PTPRG: variants seen among roughly 807,000 people sequenced by gnomAD.
PTPRG encodes protein tyrosine phosphatase receptor type G.
In PTPRG, 102 loss-of-function variants were observed where a neutral mutation model predicts 165.3. The ratio of observed to expected loss-of-function variants is 0.62; its 90% CI spans 0.53 to 0.73. The LOEUF (loss-of-function observed/expected upper bound fraction) is 0.73. PTPRG is among the 30% of genes least tolerant of loss of function. PTPRG has a pLI of 0.00. For missense variants in PTPRG, 1,866 were observed against 1,861.4 expected (o/e 1.00, Z -0.05); for synonymous variants, 675 against 669.5 (o/e 1.01, Z -0.13).
At chr3:62,290,980 G>T (rs375923076) in intron 28 of PTPRG, among the ~76,000 whole-genome samples, 1 of 151,872 alleles carries the variant, frequency 6.6e-6, no homozygotes, top group Non-Finnish European at 1.5e-5. Flanking sequence ...AAACAGATCG[G>T]GGGGCAAAAA....
chr3:62,081,672 T>C (rs916870149), intron 5 of PTPRG, among the ~76,000 whole-genome samples: 1 of 152,208 alleles, frequency 6.6e-6, no homozygotes, highest in South Asian at 2.1e-4. Flanking sequence ...AGCACACACG[T>C]GCTTATATGC....
chr3:62,088,689 G>GAAGGA (rs1233229112), intron 5 of PTPRG, among the ~76,000 whole-genome samples: 2 of 152,356 alleles, frequency 1.3e-5, no homozygotes, highest in African/African-American at 4.8e-5. Flanking sequence ...AAGAAGGTAA[G>GAAGGA]AGCATGTACA....
intron 2 of PTPRG, among the ~76,000 whole-genome samples, chr3:61,808,532 A>G (rs1004843075): frequency 6.6e-6 from 1 of 152,180 alleles, no homozygotes; most frequent in African/African-American, 2.4e-5. Context: ...GCAGGAATCA[A>G]TTTCTTTGAA....
intron 1 of PTPRG, chr3:61,743,135 G>T: frequency 8.4e-7 from 1 of 1,185,354 alleles, no homozygotes. Flanking sequence ...AACCGGAAAA[G>T]AGCGGGTCTG....
chr3:61,694,022 AAAAAG>A (rs1559560194), intron 1 of PTPRG, among the ~76,000 whole-genome samples: 1 of 140,790 alleles, frequency 7.1e-6, no homozygotes, highest in African/African-American at 3.0e-5. Context: ...AAAAAAAAAA[AAAAAG>A]AGAGAGAGAG....
At chr3:62,080,405 G>T (rs553631320) in intron 5 of PTPRG, among the ~76,000 whole-genome samples, 1 of 152,100 alleles carries the variant, frequency 6.6e-6, no homozygotes, top group East Asian at 1.9e-4. Context: ...TGATTGGTTT[G>T]TGTTTGGTAG....
chr3:62,044,374 A>G (rs928439132), intron 4 of PTPRG, among the ~76,000 whole-genome samples: 4 of 152,200 alleles, frequency 2.6e-5, no homozygotes, highest in African/African-American at 9.6e-5. Flanking sequence ...CCCCGTCTCT[A>G]CTAAAAATAC....
At chr3:61,621,051 A>ATATATATATATATATATATATGTGTGTG in intron 1 of PTPRG, among the ~76,000 whole-genome samples, 54 of 117,946 alleles carry the variant, frequency 4.6e-4, no homozygotes, top group African/African-American at 1.4e-3. Context: ...ATATATATAT[A>ATATATATATATATATATATATGTGTGTG]TGTGTGTGTG....
intron 8 of PTPRG, among the ~76,000 whole-genome samples, chr3:62,171,323 G>T (rs778272955): frequency 2.2e-4 from 33 of 152,168 alleles, no homozygotes; most frequent in Admixed American, 3.9e-4. Flanking sequence ...TTTGGTTAGA[G>T]ACTGCCAAAT....
At chr3:61,976,931 C>T (rs2040522039) in intron 2 of PTPRG, among the ~76,000 whole-genome samples, 1 of 152,000 alleles carries the variant, frequency 6.6e-6, no homozygotes, top group Non-Finnish European at 1.5e-5. Context: ...ATGCCTTGGC[C>T]TCCCAAAGTG....
At chr3:62,043,037 T>A (rs1397726838) in intron 4 of PTPRG, among the ~76,000 whole-genome samples, 2 of 152,118 alleles carry the variant, frequency 1.3e-5, no homozygotes, top group African/African-American at 4.8e-5. Flanking sequence ...CAATTTTTTT[T>A]ATTAAGTGAC....
At chr3:61,644,839 C>T (rs1229689317) in intron 1 of PTPRG, among the ~76,000 whole-genome samples, 1 of 152,166 alleles carries the variant, frequency 6.6e-6, no homozygotes, top group Non-Finnish European at 1.5e-5. Context: ...AACTTTGTGC[C>T]TCCTATTTGG....
At chr3:62,209,735 T>A (rs1469692630) in intron 12 of PTPRG, among the ~76,000 whole-genome samples, 6 of 152,186 alleles carry the variant, frequency 3.9e-5, no homozygotes, top group Non-Finnish European at 8.8e-5. Flanking sequence ...CCAGTATGGT[T>A]TAGTTTCTTC....
chr3:61,931,055 C>T (rs1431803577), intron 2 of PTPRG, among the ~76,000 whole-genome samples: 1 of 152,156 alleles, frequency 6.6e-6, no homozygotes, highest in East Asian at 1.9e-4. Flanking sequence ...AGTGCAGCGC[C>T]TAATTCATTG....
At chr3:61,869,785 G>A (rs767808123) in intron 2 of PTPRG, among the ~76,000 whole-genome samples, 11 of 145,148 alleles carry the variant, frequency 7.6e-5, no homozygotes, top group Non-Finnish European at 1.7e-4. Context: ...TTGTTTTGCA[G>A]AGATGAGGTT....
At chr3:61,677,004 T>C (rs1475089156) in intron 1 of PTPRG, among the ~76,000 whole-genome samples, 1 of 152,034 alleles carries the variant, frequency 6.6e-6, no homozygotes, top group Non-Finnish European at 1.5e-5. Context: ...CCCAGCACTT[T>C]GGGAGGCTGA....
chr3:62,281,854 T>C (rs191578325), intron 27 of PTPRG, 145 bp downstream of exon 27: 2 of 796,384 alleles, frequency 2.5e-6, no homozygotes, highest in Non-Finnish European at 3.7e-6. Flanking sequence ...TTTTCCGTTT[T>C]TCTTCCTTCA....
chr3:62,166,822 G>A (rs563552041), intron 7 of PTPRG, among the ~76,000 whole-genome samples: 1 of 151,978 alleles, frequency 6.6e-6, no homozygotes, highest in South Asian at 2.1e-4. Context: ...CCAAGAAGCT[G>A]CGACTACAGG....
rs529196012 is a variant in PTPRG at position 61,838,913 on chromosome 3, A to G, written c.190+89931A>G. ...TTTTAAAAGGAGCTATATAAAATCTAAGCTTTTCATGCTTAATAGGCTAGT... is the reference window on the plus strand; with the variant it reads ...TTTTAAAAGGAGCTATATAAAATCTGAGCTTTTCATGCTTAATAGGCTAGT... On this transcript the variant is annotated intron_variant, in intron 2 of 29. Transcript: ENST00000474889. Among the ~76,000 whole-genome samples, 3 of 152,336 alleles carry G rather than the reference A, an allele frequency of 2.0e-5. No homozygotes were observed. In the East Asian group the frequency reaches 5.8e-4, roughly 29 times the overall value.
Sources: gnomAD v4.1 joint callset for allele counts (sites outside exome capture counted in the v4.1 genomes callset) on GRCh38, gnomAD v4.1.1 for gene constraint, MANE v1.5 for transcripts, NCBI Gene and HGNC (gene_info 2026-07-23, HGNC 2026-07-21) for gene names.